The following CCDC60 variants were observed in gnomAD, a reference collection of about 807,000 sequenced individuals.
The protein encoded by CCDC60 is coiled-coil domain containing 60, also known as coiled-coil domain-containing protein 60.
In CCDC60, 54 loss-of-function variants were observed where a neutral mutation model predicts 63.5. The ratio of observed to expected loss-of-function variants is 0.85; its 90% confidence interval spans 0.68 to 1.07. The LOEUF (loss-of-function observed/expected upper bound fraction) is 1.07, where lower values mean the gene tolerates loss of function less well. Ranked by LOEUF, CCDC60 falls within the 50% of genes least tolerant of loss-of-function variation. The probability of loss-of-function intolerance (pLI) is 0.00; values close to 1 mark genes in which losing one functional copy is unlikely to be tolerated. For missense variants in CCDC60, 651 were observed against 684.3 expected, an observed-to-expected ratio of 0.95 and a Z score of 0.54; for synonymous variants, 206 against 238.8, an observed-to-expected ratio of 0.86 and a Z score of 1.27.
intron 1 of CCDC60, among the ~76,000 whole-genome samples, chr12:119,340,943 G>A (rs1465907259): frequency 2.6e-5 from 4 of 152,142 alleles, no homozygotes; most frequent in Non-Finnish European, 5.9e-5. Flanking sequence ...ATCTCAGCTG[G>A]CTGTTCCATT....
chr12:119,413,695 G>A (rs540805737), intron 1 of CCDC60, among the ~76,000 whole-genome samples: 4 of 152,200 alleles, frequency 2.6e-5, no homozygotes, highest in Admixed American at 1.3e-4. Context: ...TTCGGGTCAC[G>A]CAGGTGTGGT....
At chr12:119,495,631 A>T (rs1951701161) in intron 5 of CCDC60, among the ~76,000 whole-genome samples, 1 of 152,212 alleles carries the variant, frequency 6.6e-6, no homozygotes, top group Non-Finnish European at 1.5e-5. Flanking sequence ...CACTCATAAT[A>T]GCATTTTTAA....
intron 2 of CCDC60, among the ~76,000 whole-genome samples, chr12:119,431,161 A>G (rs948095682): frequency 1.3e-5 from 2 of 152,226 alleles, no homozygotes; most frequent in Non-Finnish European, 2.9e-5. Context: ...ATTTATCAAG[A>G]CAGGGGAATT....
intron 7 of CCDC60, among the ~76,000 whole-genome samples, chr12:119,512,798 AAT>A (rs1952248682): frequency 6.6e-6 from 1 of 152,234 alleles, no homozygotes. Context: ...CACCACTAAG[AAT>A]ATGTGTTTAA....
intron 1 of CCDC60, among the ~76,000 whole-genome samples, chr12:119,395,517 G>A (rs1360829427): frequency 6.6e-6 from 1 of 152,188 alleles, no homozygotes; most frequent in Non-Finnish European, 1.5e-5. Flanking sequence ...TCACTATCAT[G>A]AGAACGGCAC....
At chr12:119,455,708 A>G (rs1950716262) in intron 2 of CCDC60, among the ~76,000 whole-genome samples, 1 of 151,720 alleles carries the variant, frequency 6.6e-6, no homozygotes, top group African/African-American at 2.4e-5. Context: ...AGTATGGACA[A>G]CAGAGCAAGA....
At chr12:119,523,049 G>A in intron 10 of CCDC60, 48 bp downstream of exon 10, 2 of 1,497,928 alleles carry the variant, frequency 1.3e-6, no homozygotes, top group Non-Finnish European at 1.9e-6. Context: ...GGAATATGGT[G>A]ACCACACCCT....
At chr12:119,465,681 C>T (rs1006638226) in intron 2 of CCDC60, among the ~76,000 whole-genome samples, 3 of 152,034 alleles carry the variant, frequency 2.0e-5, no homozygotes, top group Middle Eastern at 3.4e-3. Flanking sequence ...TTGCTTGAAC[C>T]CAGGAGATGG....
intron 1 of CCDC60, among the ~76,000 whole-genome samples, chr12:119,360,864 C>A (rs1955780871): frequency 1.3e-5 from 2 of 152,186 alleles, no homozygotes; most frequent in African/African-American, 4.8e-5. Flanking sequence ...CTGAGTGAAC[C>A]AGACTCTGTC....
intron 11 of CCDC60, among the ~76,000 whole-genome samples, chr12:119,527,603 T>C (rs1952712633): frequency 6.6e-6 from 1 of 151,200 alleles, no homozygotes; most frequent in Admixed American, 6.6e-5. Context: ...AAGGCTGTGA[T>C]AGCCCAGCTG....
chr12:119,433,336 C>T (rs368010572), intron 2 of CCDC60: 137 of 692,986 alleles, frequency 2.0e-4, no homozygotes, highest in East Asian at 1.6e-3. Context: ...TCCCAACAGA[C>T]GCATTAAATG....
intron 1 of CCDC60, among the ~76,000 whole-genome samples, chr12:119,353,461 T>A (rs1360871332): frequency 2.7e-5 from 4 of 146,758 alleles, no homozygotes; most frequent in Non-Finnish European, 6.0e-5. Flanking sequence ...TCTCTCTCAC[T>A]CTCTGTCCAT....
chr12:119,473,542 G>T (rs987483821), intron 3 of CCDC60, among the ~76,000 whole-genome samples: 3 of 151,982 alleles, frequency 2.0e-5, no homozygotes, highest in Admixed American at 2.0e-4. Flanking sequence ...TGAGATTATG[G>T]TGCACCCATC....
rs962341974 is a variant in CCDC60, at chr12:119,523,595, A to C, written c.1104-98A>C. 1.6e-5 allele frequency: 24 copies of C among 1,545,462 alleles called. No individual in the cohort carries two copies. The African/African-American group carries it at 3.0e-4, about 19-fold the overall frequency. ...GGTGGCTACAGGGAGTCCCCCATGC[A>C]GAGCACCTTGGGGCTAAGGGGGGCC... On this transcript the variant is annotated intron_variant, in intron 10 of 13. Transcript: ENST00000327554.
At chr12:119,493,550 T>C (rs1354615426) in intron 5 of CCDC60, among the ~76,000 whole-genome samples, 1 of 152,078 alleles carries the variant, frequency 6.6e-6, no homozygotes, top group Non-Finnish European at 1.5e-5. Flanking sequence ...AAAAAACTCC[T>C]CAACTTCCCA....
intron 2 of CCDC60, among the ~76,000 whole-genome samples, chr12:119,444,760 T>TTAAA (rs1950510057): frequency 6.6e-6 from 1 of 152,142 alleles, no homozygotes; most frequent in Admixed American, 6.5e-5. Flanking sequence ...GAGCGTTTGA[T>TTAAA]TAAATACCTT....
intron 9 of CCDC60, among the ~76,000 whole-genome samples, chr12:119,522,624 C>T (rs934317624): frequency 5.3e-5 from 8 of 152,078 alleles, no homozygotes; most frequent in Non-Finnish European, 1.2e-4. Context: ...GACGTAATCC[C>T]GACAATATGC....
chr12:119,507,517 CAT>C (rs200782308), intron 7 of CCDC60, among the ~76,000 whole-genome samples: 17,165 of 118,106 alleles, frequency 0.15, 1,504 homozygotes, highest in East Asian at 0.46. Context: ...CATATATATA[CAT>C]ATATATACAC....
chr12:119,442,862 A>C (rs1205661733), intron 2 of CCDC60, among the ~76,000 whole-genome samples: 1 of 152,248 alleles, frequency 6.6e-6, no homozygotes, highest in East Asian at 1.9e-4. Flanking sequence ...GCCTGAAACA[A>C]AATAAACTTT....
Sources: gnomAD v4.1 joint callset for allele counts (sites outside exome capture counted in the v4.1 genomes callset) on GRCh38, gnomAD v4.1.1 for gene constraint, MANE v1.5 for transcripts, NCBI Gene and HGNC (gene_info 2026-07-23, HGNC 2026-07-21) for gene names.